Variants in ITGBL1 observed in about 807,000 individuals in gnomAD.
ITGBL1 encodes the protein integrin beta-like protein 1.
A neutral mutation model predicts 68.5 loss-of-function variants in ITGBL1; 51 were observed. The observed-to-expected ratio is 0.74, with a 90% confidence interval of 0.59 to 0.94. The LOEUF is 0.94. Ranked by LOEUF, ITGBL1 falls within the 40% of genes least tolerant of loss-of-function variation. The pLI, the probability that ITGBL1 is intolerant of heterozygous loss-of-function variation, is 0.00. For synonymous variants in ITGBL1, 209 were observed against 227.3 expected (o/e 0.92, Z 0.72); for missense variants, 649 against 647.4 (o/e 1.00, Z -0.03).
intron 7 of ITGBL1, among the ~76,000 whole-genome samples, chr13:101,642,662 G>A (rs1198569054): frequency 2.6e-5 from 4 of 151,580 alleles, no homozygotes; most frequent in Admixed American, 6.6e-5. Context: ...GAATGGTAAT[G>A]CCTAGGTTTT....
chr13:101,663,406 A>G (rs1018443421), intron 7 of ITGBL1, among the ~76,000 whole-genome samples: 1 of 152,138 alleles, frequency 6.6e-6, no homozygotes, highest in Non-Finnish European at 1.5e-5. Flanking sequence ...AAGGAACTGA[A>G]TCTTTGAGAA....
chr13:101,704,318 A>C (rs2034203868), intron 8 of ITGBL1, among the ~76,000 whole-genome samples: 1 of 152,102 alleles, frequency 6.6e-6, no homozygotes, highest in African/African-American at 2.4e-5. Flanking sequence ...GGAATCATGA[A>C]AGGGGAATGT....
At position 101,689,211 on chromosome 13, in the gene ITGBL1, T is replaced by TAAAAAAAAAAA. The variant is rs34627046; in HGVS notation, c.1016-3362_1016-3352dup. On this transcript the variant is annotated intron_variant, in intron 7 of 10. Coordinates refer to ENST00000376180, the MANE Select transcript of ITGBL1 (RefSeq NM_004791.3). ...CCTGGGGACAGAGCAAGACTCTGCCTAAAAAAAAAAAAAAAAAAAAAATTA... is the reference window on the plus strand; with the variant it reads ...CCTGGGGACAGAGCAAGACTCTGCCTAAAAAAAAAAAAAAAAAAAAAAAAAAAAAAAAATTA... 6.3e-4 allele frequency among the ~76,000 whole-genome samples: 47 copies of TAAAAAAAAAAA among 74,856 alleles called. 2 individuals are homozygous for TAAAAAAAAAAA. The highest frequency in any genetic ancestry group is 1.7e-3 in the African/African-American group (35 of 21,200). The allele number at this position is 74,856 out of a possible 152,430, so 49.1% of individuals were successfully genotyped here.
chr13:101,649,956 C>T (rs2032688860), intron 7 of ITGBL1, among the ~76,000 whole-genome samples: 1 of 152,096 alleles, frequency 6.6e-6, no homozygotes, highest in Non-Finnish European at 1.5e-5. Flanking sequence ...TTCTTACCAC[C>T]TTGAGTTATA....
chr13:101,474,281 C>T (rs903400559), intron 2 of ITGBL1, among the ~76,000 whole-genome samples: 1 of 152,014 alleles, frequency 6.6e-6, no homozygotes, highest in African/African-American at 2.4e-5. Flanking sequence ...CTTGAGTGAA[C>T]ATTGGTACCA....
At chr13:101,463,675 G>A (rs935445621) in intron 2 of ITGBL1, among the ~76,000 whole-genome samples, 1 of 152,054 alleles carries the variant, frequency 6.6e-6, no homozygotes. Flanking sequence ...CTTCTAGGGT[G>A]TTCCTTGATC....
chr13:101,496,017 C>G (rs917228189), intron 2 of ITGBL1, among the ~76,000 whole-genome samples: 1 of 152,036 alleles, frequency 6.6e-6, no homozygotes. Context: ...ATTTTCCCAC[C>G]AGCTTCAAAT....
intron 7 of ITGBL1, among the ~76,000 whole-genome samples, chr13:101,615,609 C>T (rs1052077213): frequency 4.0e-5 from 6 of 151,800 alleles, no homozygotes; most frequent in African/African-American, 1.5e-4. Context: ...GTGGAGTCCT[C>T]ATGAAAGGGA....
chr13:101,493,749 C>G (rs2048815183), intron 2 of ITGBL1, among the ~76,000 whole-genome samples: 2 of 152,234 alleles, frequency 1.3e-5, no homozygotes, highest in African/African-American at 4.8e-5. Flanking sequence ...TCTTTTGACA[C>G]AAGTCCATTA....
chr13:101,695,704 G>A (rs961411090), intron 8 of ITGBL1, among the ~76,000 whole-genome samples: 5 of 152,098 alleles, frequency 3.3e-5, no homozygotes, highest in South Asian at 2.1e-4. Context: ...AAGCAGTGGG[G>A]TCAAGAGACT....
chr13:101,577,427 T>C (rs1170451118), intron 4 of ITGBL1, among the ~76,000 whole-genome samples: 1 of 152,228 alleles, frequency 6.6e-6, no homozygotes, highest in Admixed American at 6.5e-5. Flanking sequence ...ATTTGAGTTA[T>C]GTGGATATTT....
At chr13:101,491,038 A>C (rs2048768587) in intron 2 of ITGBL1, among the ~76,000 whole-genome samples, 1 of 152,218 alleles carries the variant, frequency 6.6e-6, no homozygotes, top group African/African-American at 2.4e-5. Context: ...TTAAAAGTTT[A>C]TAAAAATAGT....
intron 2 of ITGBL1, among the ~76,000 whole-genome samples, chr13:101,469,314 G>A (rs1462145847): frequency 6.6e-6 from 1 of 152,168 alleles, no homozygotes; most frequent in Non-Finnish European, 1.5e-5. Context: ...ATAATATGAA[G>A]GCTTATGGGG....
At chr13:101,521,119 G>A (rs879500373) in intron 2 of ITGBL1, among the ~76,000 whole-genome samples, 4 of 152,292 alleles carry the variant, frequency 2.6e-5, no homozygotes, top group South Asian at 2.1e-4. Context: ...GGGTCGATTC[G>A]AAAGAACAGA....
intron 7 of ITGBL1, among the ~76,000 whole-genome samples, chr13:101,655,774 G>C (rs1275940737): frequency 6.6e-6 from 1 of 152,164 alleles, no homozygotes; most frequent in Admixed American, 6.5e-5. Context: ...TATGACGCTG[G>C]CCATTGCCAC....
At chr13:101,625,829 C>T (rs1438539734) in intron 7 of ITGBL1, among the ~76,000 whole-genome samples, 2 of 152,186 alleles carry the variant, frequency 1.3e-5, no homozygotes, top group Non-Finnish European at 2.9e-5. Flanking sequence ...TCTGGGATTA[C>T]AGGCGTGAGC....
At chr13:101,503,434 C>T (rs1182358158) in intron 2 of ITGBL1, among the ~76,000 whole-genome samples, 1 of 152,158 alleles carries the variant, frequency 6.6e-6, no homozygotes, top group Non-Finnish European at 1.5e-5. Flanking sequence ...AAACACTATT[C>T]TGAAATAATG....
intron 7 of ITGBL1, among the ~76,000 whole-genome samples, chr13:101,626,270 A>C (rs548638074): frequency 6.6e-6 from 1 of 152,312 alleles, no homozygotes; most frequent in African/African-American, 2.4e-5. Flanking sequence ...ACTACCACCC[A>C]TGGATTTTTA....
chr13:101,640,192 A>C (rs1452610467), intron 7 of ITGBL1, among the ~76,000 whole-genome samples: 4 of 152,200 alleles, frequency 2.6e-5, no homozygotes, highest in African/African-American at 9.6e-5. Flanking sequence ...TCTGAGTATA[A>C]AGCATTCAGG....
Sources: allele counts gnomAD v4.1 joint callset (sites outside exome capture counted in the v4.1 genomes callset), GRCh38; gene constraint gnomAD v4.1.1; transcripts MANE v1.5; gene names NCBI Gene and HGNC (gene_info 2026-07-23, HGNC 2026-07-21).